Variants in COL17A1 observed in about 807,000 individuals in gnomAD.
The protein encoded by COL17A1 is collagen alpha-1(XVII) chain.
COL17A1 carries 181 observed loss-of-function variants against 218.4 expected under a neutral mutation model. The observed-to-expected ratio is 0.83, with a 90% CI of 0.73 to 0.94. The LOEUF (loss-of-function observed/expected upper bound fraction) is 0.94. Among genes scored for constraint, COL17A1 ranks in the 40% least tolerant of loss-of-function variants. The pLI is 0.00. For missense variants in COL17A1, 1,924 were observed against 1,945.9 expected, an observed-to-expected ratio of 0.99 and a Z score of 0.21; for synonymous variants, 721 against 731.0, an observed-to-expected ratio of 0.99 and a Z score of 0.22.
chr10:104,038,400 A>C lies in COL17A1; in HGVS notation c.3070+6T>G, dbSNP rs1343356425. 1 of 1,613,340 alleles carries C rather than the reference A, an allele frequency of 6.2e-7. No homozygotes were observed. The highest frequency in any genetic ancestry group is 1.7e-5 in the Admixed American group (1 of 59,988). On this transcript the variant is annotated splice_donor_region_variant and intron_variant, in intron 45 of 55. Transcript: ENST00000648076. ...TCCCCACGGCTTGCGGCGGCCAGCT[A>C]CTCACTCTGCATGTACTCAGAGATG...
At chr10:104,053,842 C>G (rs1352802477) in intron 22 of COL17A1, 78 bp downstream of exon 22, 2 of 851,196 alleles carry the variant, frequency 2.3e-6, no homozygotes, top group Non-Finnish European at 3.9e-6. Flanking sequence ...GCCTCACATA[C>G]AGCAGGCACT....
Position 104,055,886 on chromosome 10 carries a change from G to C in COL17A1, c.1583C>G (p.Ala528Gly), listed in dbSNP as rs992478020. 5.0e-6 allele frequency: 8 copies of C among 1,614,106 alleles called. No homozygotes were observed. The Admixed American group carries it at 1.3e-4, about 27-fold the overall frequency. The part of the protein sequence containing the change: ...RIEKDRLQGM[A>G]PAAGADLDKI... Reference sequence around the variant, plus strand: ...GTCCAGGTCTGCTCCCGCCGCGGGTGCCATGCCCTGGAGGCGGTCCTTTTC... The same window carrying C: ...GTCCAGGTCTGCTCCCGCCGCGGGTCCCATGCCCTGGAGGCGGTCCTTTTC... Residue 528 changes from alanine to glycine, a missense_variant, in exon 18 of 56, where the codon GCA becomes GGA. Ala to Gly is a moderately conservative substitution (Grantham distance 60, BLOSUM62 0). Transcript: ENST00000648076.
intron 15 of COL17A1, among the ~76,000 whole-genome samples, chr10:104,059,147 T>G (rs1222013081): frequency 6.6e-6 from 1 of 152,236 alleles, no homozygotes; most frequent in East Asian, 1.9e-4. Flanking sequence ...ATAACTGATT[T>G]GATTGGCATT....
In COL17A1 at chr10:104,061,460, C is replaced by G. The variant is rs758611661; in HGVS notation, c.924G>C (p.Lys308Asn). Residue 308 changes from lysine (K) to asparagine (N), a missense_variant, in exon 13 of 56, where the codon AAG becomes AAC. Lys to Asn is a moderately conservative substitution (Grantham distance 94, BLOSUM62 0). Transcript: ENST00000648076. ...CCGCAGGACTCTGGGGCATGTTTTT[C>G]TTCACCCCATATGCTGCAAGAAAGG... ...TTTTSTAYGV[K>N]KNMPQSPAAV... The G allele has an allele frequency of 6.2e-7, 1 of 1,613,432 alleles. No individual in the cohort carries two copies. Among genetic ancestry groups the G allele is most frequent in the Non-Finnish European group, 8.5e-7 (1 of 1,179,800 alleles).
intron 3 of COL17A1, among the ~76,000 whole-genome samples, chr10:104,078,263 G>A (rs187922197): frequency 4.4e-4 from 67 of 152,250 alleles, no homozygotes; most frequent in African/African-American, 1.6e-3. Flanking sequence ...GGAGAGAGGA[G>A]GGAGAATGAG....
chr10:104,080,478 A>T, intron 2 of COL17A1, 144 bp downstream of exon 2: 1 of 908,370 alleles, frequency 1.1e-6, no homozygotes, highest in Non-Finnish European at 1.7e-6. Context: ...CTGTCTTATG[A>T]GAAGGATTAA....
At chr10:104,085,651 A>G (rs1437833614) in intron 1 of COL17A1, 72 bp downstream of exon 1, 3 of 152,656 alleles carry the variant, frequency 2.0e-5, no homozygotes, top group African/African-American at 7.2e-5. Flanking sequence ...ATAAACATTT[A>G]ATTTCTAAAT....
intron 6 of COL17A1, chr10:104,073,961 G>A (rs1045110865): frequency 1.7e-6 from 1 of 587,274 alleles, no homozygotes; most frequent in Non-Finnish European, 2.9e-6. Context: ...CATTTCTATA[G>A]TGCCACGAGC....
intron 33 of COL17A1, among the ~76,000 whole-genome samples, chr10:104,044,068 C>T (rs1431212082): frequency 8.5e-5 from 13 of 152,350 alleles, no homozygotes; most frequent in Admixed American, 6.5e-4. Flanking sequence ...CCAGAGCATC[C>T]GTCTTCATTC....
At chr10:104,037,472 T>C (rs1278359741) in intron 46 of COL17A1, among the ~76,000 whole-genome samples, 164 bp downstream of exon 46, 1 of 152,124 alleles carries the variant, frequency 6.6e-6, no homozygotes, top group Non-Finnish European at 1.5e-5. Context: ...GGACAGACCC[T>C]TGTTGACACT....
intron 32 of COL17A1, among the ~76,000 whole-genome samples, 185 bp from the exon 33 acceptor site, chr10:104,045,978 C>T (rs1403238482): frequency 6.6e-6 from 1 of 152,218 alleles, no homozygotes; most frequent in Non-Finnish European, 1.5e-5. Context: ...GAGCCCTTGT[C>T]CCTCTTTGGG....
At chr10:104,057,425 T>A (rs2086540818) in intron 16 of COL17A1, among the ~76,000 whole-genome samples, 1 of 13,152 alleles carries the variant, frequency 7.6e-5, no homozygotes, top group Non-Finnish European at 1.5e-3. Context: ...GTTTCCGTTT[T>A]TATAACATGG....
rs78830240 is a variant in COL17A1 at position 104,071,935 on chromosome 10, T to A, written c.463+97A>T. ...ATGCATGTACATACATGTGTGTGCA[T>A]GCATGCACACACACACGCATGCACA... On this transcript the variant is annotated intron_variant, in intron 8 of 55. Transcript: ENST00000648076. 7.0e-3 allele frequency: 10,968 copies of A among 1,565,776 alleles called. 59 individuals carry two copies. The highest frequency in any genetic ancestry group is 8.6e-3 in the Non-Finnish European group (9,755 of 1,139,008).
At chr10:104,058,303 G>A in intron 15 of COL17A1, 113 bp from the exon 16 acceptor site, 6 of 1,324,508 alleles carry the variant, frequency 4.5e-6, no homozygotes, top group South Asian at 1.2e-5. Context: ...TGCTTTCAAC[G>A]ACGTGCAGGA....
chr10:104,055,780 A>G lies in COL17A1; in HGVS notation c.1687+2T>C. 6.2e-7 allele frequency: 1 copy of G among 1,613,938 alleles called. No homozygotes were observed. Among genetic ancestry groups the G allele is most frequent in the Non-Finnish European group, 8.5e-7 (1 of 1,180,008 alleles). On this transcript the variant is annotated splice_donor_variant, in intron 18 of 55. Transcript: ENST00000648076. LOFTEE classifies it high-confidence loss of function. ...TGGCCCTGTGCCCGGCGATGCTCTCACCATTTTCCTGTTCCATCATTAGCT... is the reference window on the plus strand; with the variant it reads ...TGGCCCTGTGCCCGGCGATGCTCTCGCCATTTTCCTGTTCCATCATTAGCT...
At chr10:104,036,082 G>T (rs2086289498) in intron 48 of COL17A1, among the ~76,000 whole-genome samples, 1 of 122,316 alleles carries the variant, frequency 8.2e-6, no homozygotes, top group Non-Finnish European at 1.8e-5. Flanking sequence ...ATGGGAGTGT[G>T]TATGGGAGTG....
chr10:104,056,465 C>CCAT (rs2086527854), intron 17 of COL17A1, among the ~76,000 whole-genome samples: 1 of 152,000 alleles, frequency 6.6e-6, no homozygotes, highest in African/African-American at 2.4e-5. Flanking sequence ...GCCTGTAGTC[C>CCAT]CAGCTACTCA....
rs1564676899 is a variant in COL17A1 at position 104,049,483 on chromosome 10, A to G, written c.2165-12T>C. On this transcript the variant is annotated splice_polypyrimidine_tract_variant and intron_variant, in intron 28 of 55. Transcript: ENST00000648076. ...CATGCCAGGCTCGCCTGCAAAGGAC[A>G]AAGAACTAGCTGGTTGGACACTTGC... The G allele has an allele frequency of 6.2e-7, 1 of 1,614,152 alleles. No individual in the cohort carries two copies.
At chr10:104,041,605 C>A in intron 36 of COL17A1, 67 bp from the exon 37 acceptor site, 4 of 1,384,002 alleles carry the variant, frequency 2.9e-6, no homozygotes, top group South Asian at 2.4e-5. Context: ...ACACTTCTCA[C>A]CTCTCACTGG....
Sources: gnomAD v4.1 joint callset for allele counts (sites outside exome capture counted in the v4.1 genomes callset) on GRCh38, gnomAD v4.1.1 for gene constraint, MANE v1.5 for transcripts, NCBI Gene and HGNC (gene_info 2026-07-23, HGNC 2026-07-21) for gene names.